Variants in CLINT1 observed in about 807,000 individuals in gnomAD.
The protein encoded by CLINT1 is clathrin interactor 1.
CLINT1 carries 15 observed loss-of-function variants against 70.4 expected under a neutral mutation model. That is an observed-to-expected ratio of 0.21 (90% CI 0.14 to 0.33). The LOEUF is 0.33. Ranked by LOEUF, CLINT1 falls within the 10% of genes least tolerant of loss-of-function variation. The probability of loss-of-function intolerance (pLI) is 1.00; values close to 1 mark genes in which losing one functional copy is unlikely to be tolerated. For synonymous variants in CLINT1, 227 were observed against 254.7 expected (o/e 0.89, Z 1.04); for missense variants, 615 against 778.1 (o/e 0.79, Z 2.49).
chr5:157,838,083 A>T (rs1366536535), intron 1 of CLINT1, among the ~76,000 whole-genome samples: 1 of 151,710 alleles, frequency 6.6e-6, no homozygotes, highest in Non-Finnish European at 1.5e-5. Context: ...CACTTTTAAC[A>T]AATGGCCAAT....
At chr5:157,827,007 A>G (rs1763061305) in intron 1 of CLINT1, among the ~76,000 whole-genome samples, 1 of 152,184 alleles carries the variant, frequency 6.6e-6, no homozygotes, top group African/African-American at 2.4e-5. Context: ...ATTCCAAGAA[A>G]ATTTCCAGTA....
chr5:157,806,111 C>T lies in CLINT1; in HGVS notation c.697G>A (p.Asp233Asn). The change falls in exon 7 of 12, where the codon GAC becomes AAC. Residue 233 changes from aspartate (D) to asparagine (N), a missense_variant and splice_region_variant. By Grantham distance (23) the Asp-to-Asn change is conservative. Coordinates refer to ENST00000411809, the MANE Select transcript of CLINT1 (RefSeq NM_014666.4). ...DREDSPERCSDSDEEKKARRG... is the reference protein window; with the variant it reads ...DREDSPERCSNSDEEKKARRG... ...CTCGCTTTCTTTTCCTCATCGCTGT[C>T]GCTAAAAGATATTAAAAATGAAGCA... 4 of 1,612,600 alleles carry T rather than the reference C, an allele frequency of 2.5e-6. No individual in the cohort carries two copies. Among genetic ancestry groups the T allele is most frequent in the Non-Finnish European group, 1.7e-6 (2 of 1,179,366 alleles).
At position 157,859,042 on chromosome 5, in the gene CLINT1, G is replaced by C; in HGVS notation, c.-72C>G. 6.4e-7 allele frequency: 1 copy of C among 1,571,036 alleles called. No individual in the cohort carries two copies. The highest frequency in any genetic ancestry group is 8.7e-7 in the Non-Finnish European group (1 of 1,151,874). On this transcript the variant is annotated 5_prime_UTR_variant, in exon 1 of 12. Coordinates refer to ENST00000411809, the MANE Select transcript of CLINT1 (RefSeq NM_014666.4). Reference sequence around the variant, plus strand: ...CGGACCCCGGAACACTTCCGTACCGGGGCAGTTCCAGGCCGGGGTCACCGC... The same window carrying C: ...CGGACCCCGGAACACTTCCGTACCGCGGCAGTTCCAGGCCGGGGTCACCGC...
In CLINT1 at chr5:157,850,726, A is replaced by G. The variant is rs141073614; in HGVS notation, c.41+8204T>C. Among the ~76,000 whole-genome samples, 594 of 152,184 alleles carry G rather than the reference A, an allele frequency of 3.9e-3. 5 individuals are homozygous for G. The highest frequency in any genetic ancestry group is 0.019 in the South Asian group (91 of 4,828). On this transcript the variant is annotated intron_variant, in intron 1 of 11. Coordinates refer to ENST00000411809, the MANE Select transcript of CLINT1 (RefSeq NM_014666.4). ...GTCACTTTAAAAAGTGATAAATGAA[A>G]AATTAGTATGAGAAAAATTAATAGA... is the stretch of plus-strand genomic sequence containing the variant.
At chr5:157,853,482 A>G (rs1322777834) in intron 1 of CLINT1, among the ~76,000 whole-genome samples, 1 of 151,480 alleles carries the variant, frequency 6.6e-6, no homozygotes, top group African/African-American at 2.4e-5. Context: ...AACAGATGAA[A>G]AACTGCTTTG....
chr5:157,811,547 A>G (rs1000494849), intron 5 of CLINT1, among the ~76,000 whole-genome samples: 1 of 151,914 alleles, frequency 6.6e-6, no homozygotes, highest in Non-Finnish European at 1.5e-5. Context: ...AAAAAAAAGA[A>G]AAGAAAAAGA....
At chr5:157,820,753 T>A (rs1280146109) in intron 1 of CLINT1, among the ~76,000 whole-genome samples, 1 of 152,096 alleles carries the variant, frequency 6.6e-6, no homozygotes, top group Admixed American at 6.5e-5. Context: ...AAATAAAAAT[T>A]ATGTCCAGAT....
chr5:157,795,592 C>T (rs1278946620), intron 8 of CLINT1: 2 of 152,032 alleles, frequency 1.3e-5, no homozygotes, highest in African/African-American at 2.4e-5. Flanking sequence ...AACTTCCTCT[C>T]AGATGATACA....
chr5:157,822,677 C>A (rs199878249), intron 1 of CLINT1, among the ~76,000 whole-genome samples: 1 of 152,168 alleles, frequency 6.6e-6, no homozygotes, highest in African/African-American at 2.4e-5. Context: ...ACTTGACATT[C>A]AGATAATATC....
intron 1 of CLINT1, among the ~76,000 whole-genome samples, chr5:157,852,948 A>C (rs1753623846): frequency 2.6e-5 from 4 of 152,264 alleles, no homozygotes; most frequent in Admixed American, 2.6e-4. Flanking sequence ...CTGAGACTAA[A>C]AAGTTAACTG....
At chr5:157,831,867 T>C (rs564563008) in intron 1 of CLINT1, among the ~76,000 whole-genome samples, 60 of 152,130 alleles carry the variant, frequency 3.9e-4, no homozygotes, top group Non-Finnish European at 6.9e-4. Flanking sequence ...AATTTTTGTA[T>C]TTGTAGTAGA....
chr5:157,814,400 T>C, intron 3 of CLINT1, 107 bp from the exon 4 acceptor site: 1 of 762,798 alleles, frequency 1.3e-6, no homozygotes, highest in South Asian at 1.8e-5. Context: ...AGAATCTTCA[T>C]GCTGGTGGTG....
intron 1 of CLINT1, among the ~76,000 whole-genome samples, chr5:157,834,785 C>T (rs762149584): frequency 5.9e-5 from 9 of 152,264 alleles, no homozygotes; most frequent in Non-Finnish European, 7.4e-5. Context: ...TCCAACATTA[C>T]ATTTTTAAAC....
At chr5:157,853,059 T>C (rs1010175775) in intron 1 of CLINT1, among the ~76,000 whole-genome samples, 2 of 152,168 alleles carry the variant, frequency 1.3e-5, no homozygotes, top group African/African-American at 4.8e-5. Context: ...AATATAAGCA[T>C]ACAAAAGGCC....
At chr5:157,845,604 T>G (rs966185380) in intron 1 of CLINT1, among the ~76,000 whole-genome samples, 2 of 149,964 alleles carry the variant, frequency 1.3e-5, no homozygotes, top group African/African-American at 2.4e-5. Context: ...CAGGCTGGAG[T>G]GCAGTGGCGC....
intron 6 of CLINT1, among the ~76,000 whole-genome samples, chr5:157,808,004 G>A (rs1056106152): frequency 2.0e-5 from 3 of 152,102 alleles, no homozygotes; most frequent in African/African-American, 7.2e-5. Flanking sequence ...GATCTTTGAA[G>A]AGCTAGAACT....
At chr5:157,845,597 G>T (rs113426527) in intron 1 of CLINT1, among the ~76,000 whole-genome samples, 549 of 149,908 alleles carry the variant, frequency 3.7e-3, no homozygotes, top group Non-Finnish European at 6.3e-3. Flanking sequence ...TGTCGCCCAG[G>T]CTGGAGTGCA....
At chr5:157,840,300 G>C (rs1012015331) in intron 1 of CLINT1, among the ~76,000 whole-genome samples, 15 of 147,118 alleles carry the variant, frequency 1.0e-4, no homozygotes, top group Non-Finnish European at 4.5e-5. Context: ...TGCCTGTCGT[G>C]AAAGACAAAG....
intron 1 of CLINT1, among the ~76,000 whole-genome samples, chr5:157,840,180 G>GT (rs1753115650): frequency 8.8e-6 from 1 of 113,190 alleles, no homozygotes; most frequent in African/African-American, 3.5e-5. Context: ...GGGCAACAGC[G>GT]TGAGACTGCC....
Sources: allele counts gnomAD v4.1 joint callset (sites outside exome capture counted in the v4.1 genomes callset), GRCh38; gene constraint gnomAD v4.1.1; transcripts MANE v1.5; gene names NCBI Gene and HGNC (gene_info 2026-07-23, HGNC 2026-07-21).